DOCK8: variants seen among roughly 807,000 people sequenced by gnomAD.
DOCK8 encodes the protein dedicator of cytokinesis 8.
A neutral mutation model predicts 245.6 loss-of-function variants in DOCK8; 141 were observed. That is an observed-to-expected ratio of 0.57 (90% confidence interval 0.50 to 0.66). The LOEUF is 0.66. Ranked by LOEUF, DOCK8 falls within the 30% of genes least tolerant of loss-of-function variation. The pLI is 0.00. For synonymous variants in DOCK8, 1,168 were observed against 970.2 expected, an observed-to-expected ratio of 1.20 and a Z score of -3.79; for missense variants, 2,965 against 2,603.4, an observed-to-expected ratio of 1.14 and a Z score of -3.02.
intron 1 of DOCK8, chr9:215,290 C>T: frequency 6.2e-7 from 1 of 1,608,790 alleles, no homozygotes; most frequent in South Asian, 1.1e-5. Context: ...ATCCCTTCCC[C>T]GAACAACCTC....
intron 24 of DOCK8, among the ~76,000 whole-genome samples, chr9:394,791 A>G (rs1276194622): frequency 1.3e-5 from 2 of 152,250 alleles, no homozygotes; most frequent in Non-Finnish European, 2.9e-5. Context: ...GCCCCACTCA[A>G]CAGGGCCAGG....
intron 9 of DOCK8, 67 bp downstream of exon 9, chr9:328,238 T>G: frequency 6.5e-7 from 1 of 1,546,326 alleles, no homozygotes; most frequent in Non-Finnish European, 8.8e-7. Flanking sequence ...CAGCACATGT[T>G]TGGGGTGCAC....
rs1377574127 is a variant in DOCK8, at chr9:439,093, G to C, written c.5080-152G>C. On this transcript the variant is annotated intron_variant, in intron 39 of 47. Transcript: ENST00000432829. ...GCCTCTTCTAAATGAATGGCAGACAGATACTCTCGGGGTAGAATTACAGAC... is the reference window on the plus strand; with the variant it reads ...GCCTCTTCTAAATGAATGGCAGACACATACTCTCGGGGTAGAATTACAGAC... 4 of 972,614 alleles carry C rather than the reference G, an allele frequency of 4.1e-6. No individual in the cohort carries two copies. The African/African-American group carries it at 6.5e-5, about 16-fold the overall frequency. The allele number at this position is 972,614 out of a possible 1,614,324, so 60.2% of individuals were successfully genotyped here. A position where few individuals can be genotyped will look rare whatever the true frequency, so the allele number is the denominator to read the frequency against.
At chr9:337,688 G>A (rs1221925508) in intron 12 of DOCK8, among the ~76,000 whole-genome samples, 1 of 152,144 alleles carries the variant, frequency 6.6e-6, no homozygotes, top group Non-Finnish European at 1.5e-5. Context: ...ACTTGTCAAC[G>A]GTATAGAGAC....
chr9:457,363 G>C (rs1051828283), intron 46 of DOCK8, among the ~76,000 whole-genome samples: 5 of 152,200 alleles, frequency 3.3e-5, no homozygotes, highest in Non-Finnish European at 5.9e-5. Context: ...CTTGCAGTTA[G>C]TGACAGAATA....
Position 407,074 on chromosome 9 carries a change from G to A in DOCK8, c.3530+5G>A. The A allele has an allele frequency of 6.2e-7, 1 of 1,614,056 alleles. No individual in the cohort carries two copies. Among genetic ancestry groups the A allele is most frequent in the Non-Finnish European group, 8.5e-7 (1 of 1,180,008 alleles). ...CCTGGATGCCGAAGGGGAAGGGTATGTTTCTGGCATTTAAAATGGAAGATG... is the reference window on the plus strand; with the variant it reads ...CCTGGATGCCGAAGGGGAAGGGTATATTTCTGGCATTTAAAATGGAAGATG... On this transcript the variant is annotated splice_donor_5th_base_variant and intron_variant, in intron 28 of 47. Transcript: ENST00000432829.
At chr9:341,568 T>A (rs1342857519) in intron 14 of DOCK8, among the ~76,000 whole-genome samples, 1 of 152,236 alleles carries the variant, frequency 6.6e-6, no homozygotes, top group African/African-American at 2.4e-5. Flanking sequence ...CCTCACCTCC[T>A]AGACTTTTAT....
At chr9:425,292 G>A (rs576989213) in intron 33 of DOCK8, among the ~76,000 whole-genome samples, 3 of 152,246 alleles carry the variant, frequency 2.0e-5, no homozygotes, top group African/African-American at 7.2e-5. Flanking sequence ...CAGCACTTTG[G>A]GAGGCCGAGG....
intron 4 of DOCK8, among the ~76,000 whole-genome samples, chr9:299,932 G>A (rs768779777): frequency 1.3e-5 from 2 of 151,358 alleles, no homozygotes; most frequent in Admixed American, 6.6e-5. Context: ...TGAGGCAGGA[G>A]AATGGTGTGA....
intron 37 of DOCK8, 152 bp from the exon 38 acceptor site, chr9:433,723 C>A: frequency 1.4e-6 from 1 of 691,470 alleles, no homozygotes; most frequent in South Asian, 1.5e-5. Context: ...ATGAAAACTA[C>A]AGAGTCAGGT....
intron 4 of DOCK8, among the ~76,000 whole-genome samples, chr9:291,138 T>TA (rs1001287911): frequency 2.6e-5 from 4 of 152,072 alleles, no homozygotes; most frequent in African/African-American, 7.2e-5. Flanking sequence ...ATTAAAGATC[T>TA]AAAAAAAATC....
In DOCK8 at chr9:386,427, G is replaced by T. The variant is rs2053955902; in HGVS notation, c.2874+1G>T. 1.9e-6 allele frequency: 3 copies of T among 1,612,532 alleles called. No individual in the cohort carries two copies. The highest frequency in any genetic ancestry group is 2.5e-6 in the Non-Finnish European group (3 of 1,178,980). The stretch of plus-strand genomic sequence containing the variant: ...AGCCCCAAGGCCAGCCAGCAAAAAG[G>T]TACTGAAGAGAGCAATGTGAGGTTC... On this transcript the variant is annotated splice_donor_variant, in intron 23 of 47. Coordinates refer to ENST00000432829, the MANE Select transcript of DOCK8 (RefSeq NM_203447.4). LOFTEE classifies it high-confidence loss of function.
At chr9:236,889 C>A (rs1202556524) in intron 1 of DOCK8, among the ~76,000 whole-genome samples, 3 of 152,148 alleles carry the variant, frequency 2.0e-5, no homozygotes, top group African/African-American at 7.2e-5. Flanking sequence ...GATTGTGCAC[C>A]CAATTCTTAA....
rs60172569 is a variant in DOCK8 at position 451,949 on chromosome 9, G to C, written c.5962-62G>C. ...TATGTATGTGTATATATATATGTGTGTGTGTGTATATATATATATATATAT... is the reference window on the plus strand; with the variant it reads ...TATGTATGTGTATATATATATGTGTCTGTGTGTATATATATATATATATAT... On this transcript the variant is annotated intron_variant, in intron 45 of 47. Transcript: ENST00000432829. The C allele has an allele frequency of 2.9e-3, 850 of 291,670 alleles. 8 individuals are homozygous for C. The highest frequency in any genetic ancestry group is 0.023 in the African/African-American group (565 of 24,688). The allele number at this position is 291,670 out of a possible 1,614,324, so 18.1% of individuals were successfully genotyped here.
At chr9:412,989 C>A (rs1381420336) in intron 28 of DOCK8, among the ~76,000 whole-genome samples, 2 of 151,792 alleles carry the variant, frequency 1.3e-5, no homozygotes, top group African/African-American at 4.8e-5. Flanking sequence ...TTGGAGGACT[C>A]ACACTTCCCA....
chr9:248,444 C>T (rs1406614580), intron 1 of DOCK8, among the ~76,000 whole-genome samples: 2 of 149,686 alleles, frequency 1.3e-5, no homozygotes, highest in Non-Finnish European at 3.0e-5. Flanking sequence ...TTCTGTCTTT[C>T]CCCTCCTTCC....
In DOCK8 at chr9:382,600, C is replaced by T; in HGVS notation, c.2693C>T (p.Ala898Val). 6.2e-7 allele frequency: 1 copy of T among 1,614,160 alleles called. No individual in the cohort carries two copies. ...AAAVSSKLLQ[A>V]RVMSSSNPDL... ...GCTGTGAGTTCAAAGCTGCTGCAGG[C>T]CCGGGTGATGAGCAGCAGTAACCCA... Residue 898 changes from alanine to valine, a missense_variant, in exon 22 of 48, where the codon GCC (alanine) becomes GTC (valine). Transcript: ENST00000432829.
chr9:333,577 G>T (rs557245634), intron 10 of DOCK8, among the ~76,000 whole-genome samples: 2 of 150,612 alleles, frequency 1.3e-5, no homozygotes, highest in African/African-American at 4.9e-5. Flanking sequence ...CTCCAGCCTG[G>T]GTGACAGAGT....
chr9:271,760 T>C (rs769856377), intron 2 of DOCK8, 31 bp downstream of exon 2: 41 of 1,503,272 alleles, frequency 2.7e-5, no homozygotes, highest in Non-Finnish European at 3.6e-5. Flanking sequence ...TACTTAGCGA[T>C]TGGTCAAGTG....
Sources: allele counts gnomAD v4.1 joint callset (sites outside exome capture counted in the v4.1 genomes callset), GRCh38; gene constraint gnomAD v4.1.1; transcripts MANE v1.5; gene names NCBI Gene and HGNC (gene_info 2026-07-23, HGNC 2026-07-21).